Variants in TRIM36 observed in about 807,000 individuals in gnomAD.
The protein encoded by TRIM36 is E3 ubiquitin-protein ligase TRIM36.
A neutral mutation model predicts 72.4 loss-of-function variants in TRIM36; 42 were observed. The ratio of observed to expected loss-of-function variants is 0.58; its 90% CI spans 0.45 to 0.75. The LOEUF (loss-of-function observed/expected upper bound fraction) is 0.75. TRIM36 is among the 30% of genes least tolerant of loss of function. TRIM36 has a pLI of 0.00. For missense variants in TRIM36, 913 were observed against 857.1 expected (o/e 1.07, Z -0.81); for synonymous variants, 315 against 282.8 (o/e 1.11, Z -1.14).
At chr5:115,161,204 AAAG>A (rs1754466102) in intron 2 of TRIM36, among the ~76,000 whole-genome samples, 2 of 152,066 alleles carry the variant, frequency 1.3e-5, no homozygotes, top group African/African-American at 4.8e-5. Flanking sequence ...TTAAAAAAAA[AAAG>A]AAAAGAAAGT....
chr5:115,152,140 G>C (rs1321076938), intron 2 of TRIM36, among the ~76,000 whole-genome samples: 1 of 151,758 alleles, frequency 6.6e-6, no homozygotes, highest in Non-Finnish European at 1.5e-5. Flanking sequence ...AGTGAAGGAA[G>C]AAATGTTCAA....
chr5:115,164,536 A>T (rs183646998), intron 1 of TRIM36, among the ~76,000 whole-genome samples: 258 of 152,326 alleles, frequency 1.7e-3, no homozygotes, highest in Middle Eastern at 0.01. Flanking sequence ...GAGCAAGAGC[A>T]GGGATACTGC....
intron 9 of TRIM36, among the ~76,000 whole-genome samples, chr5:115,129,294 G>A (rs1277167649): frequency 6.6e-6 from 1 of 152,202 alleles, no homozygotes; most frequent in Admixed American, 6.5e-5. Flanking sequence ...CAGGTGCGGT[G>A]GCTCACGCCT....
At chr5:115,164,552 A>G (rs1273163357) in intron 1 of TRIM36, among the ~76,000 whole-genome samples, 3 of 152,200 alleles carry the variant, frequency 2.0e-5, no homozygotes. Context: ...ACTGCCTTAC[A>G]AAACCATCAG....
chr5:115,150,236 A>C (rs1176330362), intron 2 of TRIM36, among the ~76,000 whole-genome samples: 1 of 152,238 alleles, frequency 6.6e-6, no homozygotes, highest in African/African-American at 2.4e-5. Flanking sequence ...AATGGAATTA[A>C]GAACAAAATG....
intron 7 of TRIM36, 140 bp from the exon 8 acceptor site, chr5:115,134,287 G>C (rs923884776): frequency 1.1e-5 from 6 of 526,048 alleles, no homozygotes; most frequent in Non-Finnish European, 1.7e-5. Context: ...ACTATATATA[G>C]AAAGCACAAA....
At chr5:115,152,796 T>C (rs1409051484) in intron 2 of TRIM36, among the ~76,000 whole-genome samples, 1 of 152,158 alleles carries the variant, frequency 6.6e-6, no homozygotes, top group Non-Finnish European at 1.5e-5. Context: ...TAAGAGTCTT[T>C]TTCAGACAAA....
At chr5:115,171,236 G>A (rs368171554), upstream of TRIM36, 16 of 1,613,950 alleles carry the variant, frequency 9.9e-6, no homozygotes, top group African/African-American at 1.9e-4. Context: ...AATAAGGAGT[G>A]TAGAATTAAA....
At chr5:115,139,062 G>C (rs933734276) in intron 5 of TRIM36, among the ~76,000 whole-genome samples, 16 of 151,850 alleles carry the variant, frequency 1.1e-4, no homozygotes, top group African/African-American at 3.9e-4. Context: ...CTCATGATCT[G>C]CCTGCCTCGG....
upstream of TRIM36, chr5:115,169,965 G>C: frequency 8.5e-7 from 1 of 1,181,984 alleles, no homozygotes; most frequent in Non-Finnish European, 1.0e-6. Context: ...CGTGGACAGG[G>C]CGTGGCCTGG....
At chr5:115,132,109 G>A (rs1410733944) in intron 8 of TRIM36, among the ~76,000 whole-genome samples, 1 of 151,906 alleles carries the variant, frequency 6.6e-6, no homozygotes, top group African/African-American at 2.4e-5. Context: ...ATGGGAGATA[G>A]GAGGATTACT....
intron 1 of TRIM36, among the ~76,000 whole-genome samples, chr5:115,167,904 C>A (rs142535503): frequency 3.2e-4 from 48 of 152,322 alleles, no homozygotes; most frequent in African/African-American, 1.0e-3. Flanking sequence ...AATTGACTCA[C>A]AGTTCTGCAT....
intron 8 of TRIM36, among the ~76,000 whole-genome samples, 182 bp from the exon 9 acceptor site, chr5:115,131,071 T>C (rs769566451): frequency 6.6e-5 from 10 of 152,148 alleles, no homozygotes; most frequent in African/African-American, 9.7e-5. Context: ...ATCCAGTATA[T>C]TGTCTACCTA....
intron 4 of TRIM36, among the ~76,000 whole-genome samples, chr5:115,143,904 T>G (rs1332595166): frequency 6.6e-6 from 1 of 152,112 alleles, no homozygotes; most frequent in Non-Finnish European, 1.5e-5. Context: ...AGAGTCTCAC[T>G]CTGTCACCCA....
chr5:115,160,910 C>G (rs1171597003), intron 2 of TRIM36, among the ~76,000 whole-genome samples: 3 of 152,034 alleles, frequency 2.0e-5, no homozygotes, highest in Admixed American at 6.6e-5. Flanking sequence ...AGGAATATTA[C>G]TCATGAATCT....
intron 9 of TRIM36, among the ~76,000 whole-genome samples, chr5:115,130,030 T>C (rs1752590149): frequency 6.6e-6 from 1 of 152,218 alleles, no homozygotes; most frequent in African/African-American, 2.4e-5. Context: ...TCATTCAGAT[T>C]GTTAAGCTGG....
At chr5:115,169,999 G>A (rs982703768), upstream of TRIM36, 1 of 1,100,902 alleles carries the variant, frequency 9.1e-7, no homozygotes, top group Non-Finnish European at 1.1e-6. Flanking sequence ...AACAGCGCCA[G>A]TCGCACAAAA....
chr5:115,169,843 GCTCCCAGCGA>G lies in TRIM36; in HGVS notation c.-219_-210del. The G allele has an allele frequency of 7.6e-7, 1 of 1,313,250 alleles. No individual in the cohort carries two copies. The highest frequency in any genetic ancestry group is 9.7e-7 in the Non-Finnish European group (1 of 1,029,340). The allele number at this position is 1,313,250 out of a possible 1,614,324, so 81.3% of individuals were successfully genotyped here. The stretch of plus-strand genomic sequence containing the variant: ...CACAGGCGCGGGAGAAGCGAGCTTT[GCTCCCAGCGA>G]CTACCCCGGGAATCCCGCCCAGCTG... On this transcript the variant is annotated 5_prime_UTR_variant, in exon 1 of 10. Coordinates refer to ENST00000513154, the MANE Select transcript of TRIM36 (RefSeq NM_001300759.2).
intron 2 of TRIM36, among the ~76,000 whole-genome samples, chr5:115,158,134 T>TAAAA (rs58749147): frequency 0.5 from 75,562 of 151,578 alleles, 20,413 homozygotes; most frequent in East Asian, 0.71. Flanking sequence ...ATTTTAAAAA[T>TAAAA]GAAAGAAAGA....
Sources: allele counts gnomAD v4.1 joint callset (sites outside exome capture counted in the v4.1 genomes callset), GRCh38; gene constraint gnomAD v4.1.1; transcripts MANE v1.5; gene names NCBI Gene and HGNC (gene_info 2026-07-23, HGNC 2026-07-21).